GSDME: variants seen among roughly 807,000 people sequenced by gnomAD.
GSDME encodes gasdermin-E.
A neutral mutation model predicts 47.5 loss-of-function variants in GSDME; 44 were observed. The ratio of observed to expected loss-of-function variants is 0.93; its 90% CI spans 0.73 to 1.19. The LOEUF is 1.19. GSDME is among the 50% of genes most tolerant of loss of function. GSDME has a pLI of 0.00. For missense variants in GSDME, 663 were observed against 604.2 expected (o/e 1.10, Z -1.02); for synonymous variants, 258 against 252.8 (o/e 1.02, Z -0.20).
chr7:24,734,931 T>C (rs55894834), intron 3 of GSDME, among the ~76,000 whole-genome samples: 114 of 152,256 alleles, frequency 7.5e-4, no homozygotes, highest in Non-Finnish European at 1.2e-3. Context: ...AAGATATCAA[T>C]ACCTAAGTAC....
intron 9 of GSDME, among the ~76,000 whole-genome samples, chr7:24,701,907 T>C (rs1310178718): frequency 2.6e-5 from 4 of 152,204 alleles, no homozygotes; most frequent in African/African-American, 9.7e-5. Flanking sequence ...TACTCGGTGT[T>C]CCCAGAGTAG....
the GSDME span, among the ~76,000 whole-genome samples, chr7:24,774,123 T>G: frequency 1.3e-5 from 2 of 152,146 alleles, no homozygotes; most frequent in African/African-American, 4.8e-5. Context: ...TCCAACTCCT[T>G]TCTAACTCCA....
At chr7:24,709,026 A>T (rs1789240464) in intron 6 of GSDME, among the ~76,000 whole-genome samples, 1 of 152,212 alleles carries the variant, frequency 6.6e-6, no homozygotes, top group Admixed American at 6.5e-5. Context: ...CTAATACATC[A>T]ATGTACCACC....
At chr7:24,758,750 C>A (rs555830561), upstream of GSDME, among the ~76,000 whole-genome samples, 16 of 152,334 alleles carry the variant, frequency 1.1e-4, no homozygotes, top group Non-Finnish European at 1.9e-4. This position sits in a 1 kb window ranked among gnomAD's most constrained non-coding sequence, Gnocchi z 4.6. Context: ...CCCACGGGAA[C>A]ACCTCCTAGT....
chr7:24,735,282 G>A lies in GSDME; in HGVS notation c.404+9280C>T, dbSNP rs1411064002. On this transcript the variant is annotated intron_variant, in intron 3 of 9. Coordinates refer to ENST00000645220, the MANE Select transcript of GSDME (RefSeq NM_001127453.2). This position sits in a 1 kb window ranked among gnomAD's most constrained non-coding sequence, Gnocchi z 4.4. ...CATCAATACCAGATCAGTCCTACAAGAAATGCTAAAGAGAGTATTTTAATC... is the reference window on the plus strand; with the variant it reads ...CATCAATACCAGATCAGTCCTACAAAAAATGCTAAAGAGAGTATTTTAATC... Among the ~76,000 whole-genome samples, 1 of 152,164 alleles carries A rather than the reference G, an allele frequency of 6.6e-6. No homozygotes were observed. Among genetic ancestry groups the A allele is most frequent in the Non-Finnish European group, 1.5e-5 (1 of 68,026 alleles).
rs1790292063 is a variant in GSDME at position 24,735,900 on chromosome 7, G to A, written c.404+8662C>T. Among the ~76,000 whole-genome samples, 3 of 152,038 alleles carry A rather than the reference G, an allele frequency of 2.0e-5. No homozygotes were observed. ...CCGGGGGACAAAGTTAAGGCGTGGAGTTTGTATTCATTTTCTTTTTATTTG... is the reference window on the plus strand; with the variant it reads ...CCGGGGGACAAAGTTAAGGCGTGGAATTTGTATTCATTTTCTTTTTATTTG... On this transcript the variant is annotated intron_variant, in intron 3 of 9. Coordinates refer to ENST00000645220, the MANE Select transcript of GSDME (RefSeq NM_001127453.2). The surrounding 1 kb of genome is among the most constrained non-coding windows in gnomAD (Gnocchi z 4.4).
chr7:24,786,759 A>G, the GSDME span, among the ~76,000 whole-genome samples: 2 of 152,244 alleles, frequency 1.3e-5, no homozygotes, highest in African/African-American at 4.8e-5. This position sits in a 1 kb window ranked among gnomAD's most constrained non-coding sequence, Gnocchi z 5.5. Flanking sequence ...AGCAATGTGA[A>G]TGTGTTTAAT....
rs1789675034 is a variant in GSDME at position 24,719,049 on chromosome 7, G to C, written c.574C>G (p.Gln192Glu). 6.2e-7 allele frequency: 1 copy of C among 1,612,330 alleles called. No individual in the cohort carries two copies. The highest frequency in any genetic ancestry group is 1.3e-5 in the African/African-American group (1 of 75,010). Residue 192 changes from glutamine to glutamate, a missense_variant and splice_region_variant, in exon 4 of 10, where the codon CAG becomes GAG. Transcript: ENST00000645220. ...GIVGIQTKTV[Q>E]VSATEDGNVT... ...CAGGGCAGCCCGACTGCACGCACCT[G>C]CACCGTCTTGGTCTGGATGCCCACG...
chr7:24,718,199 G>C (rs565252446), intron 4 of GSDME, among the ~76,000 whole-genome samples: 1 of 152,240 alleles, frequency 6.6e-6, no homozygotes, highest in Non-Finnish European at 1.5e-5. Flanking sequence ...CCCAGTAAGA[G>C]TGCTGGCCCC....
chr7:24,708,056 TC>T (rs1789188916), intron 7 of GSDME, 70 bp downstream of exon 7: 1 of 1,593,518 alleles, frequency 6.3e-7, no homozygotes, highest in African/African-American at 1.3e-5. Flanking sequence ...TTAACACAAT[TC>T]CATCCTGCCT....
intron 5 of GSDME, chr7:24,715,568 G>A: frequency 2.2e-6 from 1 of 460,208 alleles, no homozygotes; most frequent in Non-Finnish European, 4.5e-6. Flanking sequence ...GGCAGACATA[G>A]GGGGGCTAGA....
intron 3 of GSDME, among the ~76,000 whole-genome samples, chr7:24,729,940 C>T (rs539052022): frequency 1.3e-4 from 20 of 152,236 alleles, no homozygotes; most frequent in African/African-American, 4.6e-4. Context: ...CACCATTTCC[C>T]AGAGAAACTG....
chr7:24,713,882 A>G (rs539222847), intron 5 of GSDME, among the ~76,000 whole-genome samples: 2 of 152,284 alleles, frequency 1.3e-5, no homozygotes, highest in Non-Finnish European at 2.9e-5. Flanking sequence ...GCTTGAGCCC[A>G]GAGTTCAAGG....
At chr7:24,787,141 C>T in the GSDME span, among the ~76,000 whole-genome samples, 3 of 152,136 alleles carry the variant, frequency 2.0e-5, no homozygotes, top group African/African-American at 7.2e-5. The surrounding 1 kb of genome is among the most constrained non-coding windows in gnomAD (Gnocchi z 5.0). Flanking sequence ...TACTGTGACA[C>T]ATCAAAAATT....
chr7:24,702,616 G>T, intron 9 of GSDME, 144 bp downstream of exon 9: 1 of 703,258 alleles, frequency 1.4e-6, no homozygotes, highest in Non-Finnish European at 2.7e-6. Context: ...TATAAAAGTG[G>T]GGTTAATAAC....
rs75508654 is a variant in GSDME, at chr7:24,704,946, C to T, written c.1183+1238G>A. On this transcript the variant is annotated intron_variant, in intron 8 of 9. Transcript: ENST00000645220. ...CAAGTGATCCTTCCACCTTACCCTC[C>T]CAAAACGCTAGGATTACAGATGGGG... is the stretch of plus-strand genomic sequence containing the variant. The T allele has an allele frequency of 4.2e-3, 640 of 152,512 alleles. 6 individuals are homozygous for T. Among genetic ancestry groups the T allele is most frequent in the Admixed American group, 0.018 (273 of 15,284 alleles). 9.4% of individuals were successfully genotyped at this position (152,512 alleles called of 1,614,324 possible). A position where few individuals can be genotyped will look rare whatever the true frequency, so the allele number is the denominator to read the frequency against.
chr7:24,766,649 C>T, the GSDME span, among the ~76,000 whole-genome samples: 2 of 152,202 alleles, frequency 1.3e-5, no homozygotes, highest in Non-Finnish European at 2.9e-5. The surrounding 1 kb of genome is among the most constrained non-coding windows in gnomAD (Gnocchi z 4.2). Context: ...TTTTTTATGG[C>T]TACATAGTAT....
At chr7:24,719,356 G>T in intron 3 of GSDME, 138 bp from the exon 4 acceptor site, 1 of 951,460 alleles carries the variant, frequency 1.1e-6, no homozygotes, top group East Asian at 2.6e-5. Context: ...TGATGAAAGG[G>T]GTGGCAGGTC....
At position 24,699,058 on chromosome 7, in the gene GSDME, C is replaced by T; in HGVS notation, c.1459G>A (p.Gly487Arg). ...TGTTCTCTGCCTAAAGCACAGAGTC[C>T]ATTCAGGGTTATACAAAGAAGCAGT... The part of the protein sequence containing the change: ...FPLLLCITLN[G>R]LCALGREHS The change falls in exon 10 of 10, where the codon GGA (glycine) becomes AGA (arginine). Residue 487 changes from glycine (G) to arginine (R), a missense_variant. Coordinates refer to ENST00000645220, the MANE Select transcript of GSDME (RefSeq NM_001127453.2). 3.7e-6 allele frequency: 6 copies of T among 1,613,810 alleles called. No homozygotes were observed. Among genetic ancestry groups the T allele is most frequent in the Non-Finnish European group, 5.1e-6 (6 of 1,179,742 alleles).
Sources: gnomAD v4.1 joint callset for allele counts (sites outside exome capture counted in the v4.1 genomes callset) on GRCh38, gnomAD v4.1.1 for gene constraint, Gnocchi (gnomAD v3.1) non-coding constraint, MANE v1.5 for transcripts, NCBI Gene and HGNC (gene_info 2026-07-23, HGNC 2026-07-21) for gene names.